Variants in RIMBP2 observed in about 807,000 individuals in gnomAD.
The protein encoded by RIMBP2 is RIMS-binding protein 2.
A neutral mutation model predicts 118.6 loss-of-function variants in RIMBP2; 48 were observed. The observed-to-expected ratio is 0.40, with a 90% CI of 0.32 to 0.51. RIMBP2 has a LOEUF of 0.51. RIMBP2 is among the 20% of genes least tolerant of loss of function. The pLI, the probability that RIMBP2 is intolerant of heterozygous loss-of-function variation, is 0.41. For missense variants in RIMBP2, 1,551 were observed against 1,768.3 expected, an observed-to-expected ratio of 0.88 and a Z score of 2.20; for synonymous variants, 762 against 742.9, an observed-to-expected ratio of 1.03 and a Z score of -0.42.
At chr12:130,460,236 T>C (rs968838675) in intron 6 of RIMBP2, among the ~76,000 whole-genome samples, 4 of 152,224 alleles carry the variant, frequency 2.6e-5, no homozygotes, top group Admixed American at 6.5e-5. Flanking sequence ...AGGTATCCTG[T>C]GAGTCTGTGC....
At chr12:130,656,025 T>C (rs2063413477) in intron 1 of RIMBP2, among the ~76,000 whole-genome samples, 1 of 152,102 alleles carries the variant, frequency 6.6e-6, no homozygotes, top group African/African-American at 2.4e-5. Flanking sequence ...TCTTAGAGCA[T>C]GGGTTCCAGC....
At chr12:130,618,369 C>T (rs936778642) in intron 2 of RIMBP2, among the ~76,000 whole-genome samples, 8 of 152,052 alleles carry the variant, frequency 5.3e-5, no homozygotes, top group African/African-American at 1.4e-4. Context: ...CTGGATATAT[C>T]GTAGGATCTT....
intron 4 of RIMBP2, among the ~76,000 whole-genome samples, chr12:130,479,909 T>G (rs1370446054): frequency 6.6e-6 from 1 of 151,240 alleles, no homozygotes; most frequent in East Asian, 2.0e-4. Flanking sequence ...TGCGGGCCCT[T>G]CCCTCCCCTC....
At chr12:130,414,971 C>CAT (rs1257812922) in intron 17 of RIMBP2, among the ~76,000 whole-genome samples, 1 of 152,156 alleles carries the variant, frequency 6.6e-6, no homozygotes, top group Non-Finnish European at 1.5e-5. Context: ...ATTCTACCAA[C>CAT]ATACAAAGAA....
At chr12:130,707,450 G>T (rs545081630) in intron 1 of RIMBP2, among the ~76,000 whole-genome samples, 2 of 152,268 alleles carry the variant, frequency 1.3e-5, no homozygotes, top group East Asian at 1.9e-4. Context: ...GTCAGGGAAG[G>T]CTTCTCAGAG....
At chr12:130,577,898 C>T (rs1413278715) in intron 2 of RIMBP2, among the ~76,000 whole-genome samples, 1 of 152,096 alleles carries the variant, frequency 6.6e-6, no homozygotes, top group Non-Finnish European at 1.5e-5. Flanking sequence ...AGTAACGTAA[C>T]CTTTGTGGTA....
At chr12:130,687,460 A>G (rs2065108738) in intron 1 of RIMBP2, among the ~76,000 whole-genome samples, 1 of 152,154 alleles carries the variant, frequency 6.6e-6, no homozygotes, top group Non-Finnish European at 1.5e-5. Context: ...TCACTGTATA[A>G]TTATTTTTAT....
intron 14 of RIMBP2, among the ~76,000 whole-genome samples, chr12:130,433,118 C>G (rs571218325): frequency 6.6e-6 from 1 of 152,162 alleles, no homozygotes; most frequent in South Asian, 2.1e-4. Flanking sequence ...ACCCAGACCA[C>G]GCAACTCCAA....
chr12:130,577,871 C>T (rs1445454129), intron 2 of RIMBP2, among the ~76,000 whole-genome samples: 1 of 152,072 alleles, frequency 6.6e-6, no homozygotes, highest in South Asian at 2.1e-4. Flanking sequence ...GGTAATTATG[C>T]GAAACAATAG....
chr12:130,667,380 G>A (rs553125445), intron 1 of RIMBP2: 7 of 152,268 alleles, frequency 4.6e-5, no homozygotes, highest in Admixed American at 4.6e-4. Flanking sequence ...ATGAATAGAG[G>A]AATTGTTTAC....
chr12:130,402,365 T>A (rs138033835), intron 21 of RIMBP2, among the ~76,000 whole-genome samples: 1 of 152,130 alleles, frequency 6.6e-6, no homozygotes, highest in African/African-American at 2.4e-5. Context: ...GACGACATTC[T>A]CTGTCCCTCT....
intron 2 of RIMBP2, among the ~76,000 whole-genome samples, chr12:130,535,767 A>ATG (rs1218321949): frequency 1.6e-5 from 1 of 63,176 alleles, no homozygotes; most frequent in Admixed American, 1.8e-4. Context: ...ATATATATAT[A>ATG]TATATATATA....
chr12:130,538,755 C>T (rs1347523570), intron 2 of RIMBP2, among the ~76,000 whole-genome samples: 3 of 152,228 alleles, frequency 2.0e-5, no homozygotes, highest in African/African-American at 4.8e-5. Context: ...ATACAGCCTG[C>T]TTCCCAACCG....
intron 1 of RIMBP2, among the ~76,000 whole-genome samples, chr12:130,645,351 C>T (rs1051209652): frequency 6.6e-6 from 1 of 152,168 alleles, no homozygotes; most frequent in Non-Finnish European, 1.5e-5. Flanking sequence ...TCCCCCAAAA[C>T]CAACTTCTAT....
At chr12:130,663,128 TG>T (rs1161250143) in intron 1 of RIMBP2, among the ~76,000 whole-genome samples, 1 of 152,156 alleles carries the variant, frequency 6.6e-6, no homozygotes, top group Admixed American at 6.5e-5. Flanking sequence ...AGGGGCCGGC[TG>T]GGTTATTTTT....
chr12:130,632,442 T>C (rs2062056375), intron 1 of RIMBP2, among the ~76,000 whole-genome samples: 1 of 152,166 alleles, frequency 6.6e-6, no homozygotes, highest in South Asian at 2.1e-4. Context: ...GGTGGGGCAA[T>C]GATTCCTGGC....
chr12:130,586,187 G>A (rs1413981756), intron 2 of RIMBP2, among the ~76,000 whole-genome samples: 1 of 152,192 alleles, frequency 6.6e-6, no homozygotes, highest in Non-Finnish European at 1.5e-5. Context: ...CAGGGCGGTG[G>A]CTCACGCCTA....
intron 1 of RIMBP2, among the ~76,000 whole-genome samples, chr12:130,680,665 C>T (rs549195996): frequency 5.3e-5 from 8 of 152,312 alleles, no homozygotes; most frequent in African/African-American, 1.9e-4. Flanking sequence ...GGGGGCATTT[C>T]GGTTATTGCA....
Position 130,399,232 on chromosome 12 carries a change from GATGAA to G in RIMBP2, c.3900+442_3900+446del, listed in dbSNP as rs1197705506. 9.1e-6 allele frequency: 8 copies of G among 883,570 alleles called. No homozygotes were observed. In the East Asian group the frequency reaches 1.1e-4, roughly 12 times the overall value. The allele number at this position is 883,570 out of a possible 1,614,324, so 54.7% of individuals were successfully genotyped here. Reference sequence around the variant, plus strand: ...AATATAATATAGAAAAACTTGCAGTGATGAAATAAAATAAAAATGAGATACTAAAC... The same window carrying G: ...AATATAATATAGAAAAACTTGCAGTGATAAAATAAAAATGAGATACTAAAC... On this transcript the variant is annotated intron_variant, in intron 22 of 22. Coordinates refer to ENST00000690449, the MANE Select transcript of RIMBP2 (RefSeq NM_001393629.1).
Sources: allele counts gnomAD v4.1 joint callset (sites outside exome capture counted in the v4.1 genomes callset), GRCh38; gene constraint gnomAD v4.1.1; transcripts MANE v1.5; gene names NCBI Gene and HGNC (gene_info 2026-07-23, HGNC 2026-07-21).